The following RBL1 variants were observed in gnomAD, a reference collection of about 807,000 sequenced individuals.
RBL1 encodes the protein retinoblastoma-like protein 1.
A neutral mutation model predicts 123.0 loss-of-function variants in RBL1; 82 were observed. That is an observed-to-expected ratio of 0.67 (90% CI 0.56 to 0.80). RBL1 has a LOEUF of 0.80. Ranked by LOEUF, RBL1 falls within the 30% of genes least tolerant of loss-of-function variation. The pLI is 0.00. For missense variants in RBL1, 1,171 were observed against 1,299.6 expected, an observed-to-expected ratio of 0.90 and a Z score of 1.52; for synonymous variants, 405 against 441.3, an observed-to-expected ratio of 0.92 and a Z score of 1.03.
At chr20:37,083,374 G>C (rs1396816821) in intron 2 of RBL1, among the ~76,000 whole-genome samples, 3 of 151,824 alleles carry the variant, frequency 2.0e-5, no homozygotes, top group Admixed American at 1.3e-4. Flanking sequence ...AGGGCGTGGT[G>C]GGAGGATCAC....
At position 37,035,396 on chromosome 20, in the gene RBL1, G is replaced by C; in HGVS notation, c.2016C>G (p.Asp672Glu). 1.9e-6 allele frequency: 3 copies of C among 1,614,062 alleles called. No individual in the cohort carries two copies. The highest frequency in any genetic ancestry group is 1.1e-5 in the South Asian group (1 of 91,086). The change falls in exon 15 of 22, where the codon GAC becomes GAG. Residue 672 changes from aspartate (D) to glutamate (E), a missense_variant. Physicochemically the swap from Asp to Glu is conservative, Grantham distance 45. Transcript: ENST00000373664. ...GEDPPKEMLM[D>E]KIITEGTKLK... ...ATTTTGTTCCTTCTGTTATGATCTT[G>C]TCCATAAGCATTTCCTTTGGGGGGT...
intron 19 of RBL1, among the ~76,000 whole-genome samples, chr20:37,012,250 A>T (rs149476813): frequency 6.6e-6 from 1 of 152,136 alleles, no homozygotes; most frequent in Non-Finnish European, 1.5e-5. Flanking sequence ...TTGGCCTCCC[A>T]AAGTGCCGAG....
chr20:37,064,746 A>G (rs368172446), intron 7 of RBL1, among the ~76,000 whole-genome samples: 2 of 151,812 alleles, frequency 1.3e-5, no homozygotes, highest in East Asian at 3.9e-4. Flanking sequence ...AGCAGCTGGG[A>G]TTACAGGTGT....
At chr20:37,060,433 A>G (rs1006106380) in intron 9 of RBL1, among the ~76,000 whole-genome samples, 1 of 152,156 alleles carries the variant, frequency 6.6e-6, no homozygotes, top group Non-Finnish European at 1.5e-5. Context: ...TCTTTAAGGT[A>G]CACTTATCTC....
chr20:37,000,127 G>T (rs1294557288), intron 21 of RBL1, among the ~76,000 whole-genome samples: 1 of 150,078 alleles, frequency 6.7e-6, no homozygotes, highest in Non-Finnish European at 1.5e-5. Flanking sequence ...TGTGAGGAGC[G>T]TCTCTGCCCG....
intron 20 of RBL1, among the ~76,000 whole-genome samples, chr20:37,004,162 C>T (rs1367646876): frequency 6.6e-6 from 1 of 151,512 alleles, no homozygotes; most frequent in Non-Finnish European, 1.5e-5. Flanking sequence ...CCTCTGCCTC[C>T]CAGGTTCAAG....
Position 37,003,696 on chromosome 20 carries a change from C to T in RBL1, c.3036+6G>A, listed in dbSNP as rs1226304586. The T allele has an allele frequency of 6.3e-7, 1 of 1,596,616 alleles. No individual in the cohort carries two copies. Among genetic ancestry groups the T allele is most frequent in the Admixed American group, 1.7e-5 (1 of 57,840 alleles). ...TGAAATCCAACTTTTAGCCTATTCA[C>T]CTTACCTTAGAAGGGCTGCCATTGA... On this transcript the variant is annotated splice_donor_region_variant and intron_variant, in intron 21 of 21. Transcript: ENST00000373664.
intron 2 of RBL1, among the ~76,000 whole-genome samples, chr20:37,075,549 G>A (rs2065350516): frequency 6.6e-6 from 1 of 152,008 alleles, no homozygotes; most frequent in Non-Finnish European, 1.5e-5. Flanking sequence ...TCCACCTCCT[G>A]GGTTCAAGTG....
intron 19 of RBL1, among the ~76,000 whole-genome samples, chr20:37,008,531 C>T (rs189742209): frequency 6.0e-4 from 91 of 152,228 alleles, no homozygotes; most frequent in African/African-American, 2.1e-3. Flanking sequence ...AGAACTTTGT[C>T]CTACTATTTT....
chr20:37,004,538 C>T (rs2064038583), intron 20 of RBL1, among the ~76,000 whole-genome samples: 1 of 149,470 alleles, frequency 6.7e-6, no homozygotes, highest in South Asian at 2.1e-4. Context: ...CATGGTGAAA[C>T]TCCGTCTCCA....
intron 9 of RBL1, among the ~76,000 whole-genome samples, chr20:37,058,257 C>A (rs2065045391): frequency 6.6e-6 from 1 of 151,724 alleles, no homozygotes. Flanking sequence ...TTGGCTCATG[C>A]CTGTAATCCC....
chr20:37,073,705 G>GAAAAAA (rs796752326), intron 2 of RBL1, among the ~76,000 whole-genome samples: 2,201 of 103,102 alleles, frequency 0.021, 160 homozygotes, highest in African/African-American at 0.074. Context: ...CTCAAAAAAA[G>GAAAAAA]AAAAAAAAAA....
chr20:37,072,381 T>G (rs1317654731), intron 2 of RBL1, among the ~76,000 whole-genome samples: 1 of 151,968 alleles, frequency 6.6e-6, no homozygotes, highest in East Asian at 1.9e-4. Context: ...GGCAGGAGAA[T>G]TGCTTGAACC....
chr20:37,007,712 C>G (rs565805126), intron 19 of RBL1, among the ~76,000 whole-genome samples, 153 bp from the exon 20 acceptor site: 3 of 152,242 alleles, frequency 2.0e-5, no homozygotes, highest in East Asian at 3.9e-4. Context: ...CCCATCTCAG[C>G]CTCCTGAGTA....
chr20:37,083,664 G>A (rs575929319), intron 2 of RBL1, among the ~76,000 whole-genome samples: 2 of 148,096 alleles, frequency 1.4e-5, no homozygotes, highest in East Asian at 4.1e-4. Context: ...ATACAGGTGG[G>A]TGTGGTGGCA....
chr20:37,003,307 C>T (rs952976163), intron 21 of RBL1, among the ~76,000 whole-genome samples: 3 of 152,110 alleles, frequency 2.0e-5, no homozygotes, highest in African/African-American at 7.2e-5. Context: ...TGTCTATGTA[C>T]GTAAGAGGAG....
At chr20:37,036,038 A>G (rs1298039303) in intron 14 of RBL1, among the ~76,000 whole-genome samples, 1 of 152,222 alleles carries the variant, frequency 6.6e-6, no homozygotes, top group African/African-American at 2.4e-5. Flanking sequence ...AAATCTGCTT[A>G]CCTTGCCTTA....
chr20:37,015,061 C>G (rs987997833), intron 19 of RBL1, among the ~76,000 whole-genome samples: 18 of 111,042 alleles, frequency 1.6e-4, no homozygotes, highest in African/African-American at 5.9e-4. Context: ...GAGACTGTAT[C>G]TCAAAAAAAA....
chr20:37,030,284 A>G (rs901603131), intron 16 of RBL1, among the ~76,000 whole-genome samples: 3 of 152,190 alleles, frequency 2.0e-5, no homozygotes, highest in Non-Finnish European at 2.9e-5. Flanking sequence ...TTAAACCCCC[A>G]TATCTATGCT....
Sources: gnomAD v4.1 joint callset for allele counts (sites outside exome capture counted in the v4.1 genomes callset) on GRCh38, gnomAD v4.1.1 for gene constraint, MANE v1.5 for transcripts, NCBI Gene and HGNC (gene_info 2026-07-23, HGNC 2026-07-21) for gene names.